Variants in MYO10 observed in about 807,000 individuals in gnomAD.
MYO10 encodes unconventional myosin-X.
MYO10 carries 133 observed loss-of-function variants against 257.3 expected under a neutral mutation model. The ratio of observed to expected loss-of-function variants is 0.52; its 90% CI spans 0.45 to 0.60. The LOEUF is 0.60. MYO10 is among the 20% of genes least tolerant of loss of function. MYO10 has a pLI of 0.00. For synonymous variants in MYO10, 1,104 were observed against 1,028.6 expected (o/e 1.07, Z -1.40); for missense variants, 2,399 against 2,635.7 (o/e 0.91, Z 1.97).
intron 22 of MYO10, among the ~76,000 whole-genome samples, chr5:16,703,654 G>T (rs970437460): frequency 6.6e-6 from 1 of 152,080 alleles, no homozygotes; most frequent in East Asian, 1.9e-4. Flanking sequence ...CGAGGCAGGC[G>T]GATGGATCAC....
At chr5:16,821,611 C>G (rs375485587) in intron 2 of MYO10, among the ~76,000 whole-genome samples, 1 of 151,532 alleles carries the variant, frequency 6.6e-6, no homozygotes, top group Non-Finnish European at 1.5e-5. Flanking sequence ...GGACTACAGG[C>G]GCCCACCACC....
chr5:16,701,745 T>A lies in MYO10; in HGVS notation c.2650A>T (p.Asn884Tyr), dbSNP rs750913132. 3 of 1,613,918 alleles carry A rather than the reference T, an allele frequency of 1.9e-6. No homozygotes were observed. Among genetic ancestry groups the A allele is most frequent in the Non-Finnish European group, 8.5e-7 (1 of 1,179,912 alleles). ...LTRELEKQKE[N>Y]KQVEEILRLE... ...CGGAGGATCTCTTCCACCTGCTTATTTTCCTTCTGTTTCTCCAGTTCACGG... is the reference window on the plus strand; with the variant it reads ...CGGAGGATCTCTTCCACCTGCTTATATTCCTTCTGTTTCTCCAGTTCACGG... Residue 884 changes from asparagine (N) to tyrosine (Y), a missense_variant, in exon 25 of 41, where the codon AAT becomes TAT. By Grantham distance (143) the Asn-to-Tyr change is moderately radical. Around this residue, in one of 3 missense-constraint regions of MYO10, gnomAD observed 1,820 missense variants for 1,939.4 expected, o/e 0.94. Transcript: ENST00000513610. This position sits in a 1 kb window ranked among gnomAD's most constrained non-coding sequence, Gnocchi z 8.1.
intron 1 of MYO10, among the ~76,000 whole-genome samples, chr5:16,878,463 T>C (rs944289423): frequency 1.3e-5 from 2 of 152,242 alleles, no homozygotes; most frequent in South Asian, 2.1e-4. Context: ...TTTTTTGGCA[T>C]TGATCTCATT....
intron 3 of MYO10, among the ~76,000 whole-genome samples, chr5:16,813,879 T>C (rs1343789222): frequency 6.6e-6 from 1 of 152,172 alleles, no homozygotes; most frequent in Non-Finnish European, 1.5e-5. Flanking sequence ...TTACTGGCAC[T>C]GAAGATGAAG....
At chr5:16,686,649 C>A (rs1737267383) in intron 28 of MYO10, among the ~76,000 whole-genome samples, 1 of 152,030 alleles carries the variant, frequency 6.6e-6, no homozygotes, top group Non-Finnish European at 1.5e-5. Context: ...ATTCTCCTGC[C>A]TCAGCCTCTC....
intron 29 of MYO10, among the ~76,000 whole-genome samples, chr5:16,685,094 GAGTA>G (rs1277252908): frequency 6.6e-6 from 1 of 152,058 alleles, no homozygotes; most frequent in African/African-American, 2.4e-5. Flanking sequence ...GTCCTCTGAA[GAGTA>G]AGTGTGATGT....
chr5:16,831,515 T>C (rs1390866001), intron 2 of MYO10, among the ~76,000 whole-genome samples: 1 of 151,448 alleles, frequency 6.6e-6, no homozygotes, highest in Non-Finnish European at 1.5e-5. Flanking sequence ...GTGGTATATA[T>C]ATATACAATG....
At chr5:16,673,112 A>G (rs1326225959) in intron 36 of MYO10, among the ~76,000 whole-genome samples, 1 of 152,112 alleles carries the variant, frequency 6.6e-6, no homozygotes, top group East Asian at 1.9e-4. Context: ...TTAACAGGAA[A>G]AGCGGGTGAA....
intron 2 of MYO10, among the ~76,000 whole-genome samples, chr5:16,839,381 T>A (rs1053605776): frequency 6.6e-6 from 1 of 152,064 alleles, no homozygotes; most frequent in Non-Finnish European, 1.5e-5. Context: ...GTGGTGGGAA[T>A]AGCAAGGGCA....
intron 3 of MYO10, among the ~76,000 whole-genome samples, chr5:16,806,909 G>A (rs1035196261): frequency 3.9e-5 from 6 of 152,150 alleles, no homozygotes; most frequent in East Asian, 1.9e-4. Flanking sequence ...CCACATGACC[G>A]CTATGTGCTA....
chr5:16,835,503 T>TTTG (rs1554001257), intron 2 of MYO10, among the ~76,000 whole-genome samples: 10 of 144,562 alleles, frequency 6.9e-5, no homozygotes, highest in African/African-American at 2.1e-4. Flanking sequence ...TTTTTTTTTT[T>TTTG]TTTTTTTTTT....
chr5:16,698,761 C>A (rs990361392), intron 26 of MYO10, among the ~76,000 whole-genome samples: 1 of 149,660 alleles, frequency 6.7e-6, no homozygotes, highest in Non-Finnish European at 1.5e-5. Flanking sequence ...GTAGCTGGCA[C>A]TACAGGAGCC....
intron 2 of MYO10, 31 bp from the exon 3 acceptor site, chr5:16,818,198 A>C (rs758042261): frequency 1.0e-5 from 15 of 1,438,658 alleles, no homozygotes; most frequent in Non-Finnish European, 1.2e-5. Context: ...CAATTATTTC[A>C]TTATCAGCAG....
At chr5:16,712,820 C>CA (rs1212290790) in intron 19 of MYO10, among the ~76,000 whole-genome samples, 4 of 152,194 alleles carry the variant, frequency 2.6e-5, no homozygotes, top group African/African-American at 9.7e-5. Context: ...TTAGGGCAAA[C>CA]ATCCAAAGAA....
chr5:16,837,768 C>T (rs868172735), intron 2 of MYO10, among the ~76,000 whole-genome samples: 2 of 152,260 alleles, frequency 1.3e-5, no homozygotes, highest in Non-Finnish European at 1.5e-5. Context: ...AATACAGGCA[C>T]ACCTCGTTTA....
At chr5:16,742,068 C>CA (rs1740035202) in intron 19 of MYO10, 1 of 985,288 alleles carries the variant, frequency 1.0e-6, no homozygotes, top group African/African-American at 1.7e-5. Context: ...AACCATCATG[C>CA]ACGCATCAAC....
At chr5:16,867,087 T>TTG (rs1744273852) in intron 2 of MYO10, among the ~76,000 whole-genome samples, 1 of 152,214 alleles carries the variant, frequency 6.6e-6, no homozygotes, top group South Asian at 2.1e-4. Flanking sequence ...GCAGCTGGCT[T>TTG]TGCGTGAGAA....
intron 2 of MYO10, among the ~76,000 whole-genome samples, chr5:16,853,155 A>G (rs902942086): frequency 6.6e-6 from 1 of 152,096 alleles, no homozygotes; most frequent in African/African-American, 2.4e-5. Context: ...CGGATCACAC[A>G]GTCAGGAGAT....
At chr5:16,770,747 G>A (rs1741021772) in intron 9 of MYO10, among the ~76,000 whole-genome samples, 1 of 152,128 alleles carries the variant, frequency 6.6e-6, no homozygotes, top group South Asian at 2.1e-4. Flanking sequence ...TTAACACTGC[G>A]AAAAGTTCAA....
Sources: gnomAD v4.1 joint callset for allele counts (sites outside exome capture counted in the v4.1 genomes callset) on GRCh38, gnomAD v4.1.1 for gene constraint, gnomAD v4.1.1 regional missense constraint, Gnocchi (gnomAD v3.1) non-coding constraint, MANE v1.5 for transcripts, NCBI Gene and HGNC (gene_info 2026-07-23, HGNC 2026-07-21) for gene names.